Variants in RALGAPA1 observed in about 807,000 individuals in gnomAD.
The protein encoded by RALGAPA1 is ral GTPase-activating protein subunit alpha-1.
In RALGAPA1, 52 loss-of-function variants were observed where a neutral mutation model predicts 269.6. That is an observed-to-expected ratio of 0.19 (90% CI 0.15 to 0.24). The LOEUF (loss-of-function observed/expected upper bound fraction) is 0.24, where lower values mean the gene tolerates loss of function less well. RALGAPA1 is among the 10% of genes least tolerant of loss of function. The pLI is 1.00. For missense variants in RALGAPA1, 1,917 were observed against 3,013.9 expected, an observed-to-expected ratio of 0.64 and a Z score of 8.52; for synonymous variants, 817 against 1,008.3, an observed-to-expected ratio of 0.81 and a Z score of 3.60.
At chr14:35,572,863 C>A (rs73247067) in intron 37 of RALGAPA1, 145 bp from the exon 38 acceptor site, 3 of 482,200 alleles carry the variant, frequency 6.2e-6, no homozygotes, top group African/African-American at 6.0e-5. Context: ...AACACAAACA[C>A]TCAAAAACAT....
intron 31 of RALGAPA1, among the ~76,000 whole-genome samples, chr14:35,641,280 A>T (rs1296338560): frequency 2.0e-5 from 3 of 152,304 alleles, no homozygotes; most frequent in East Asian, 3.9e-4. Flanking sequence ...GGGTATGCAA[A>T]TTGGAAAGGA....
intron 35 of RALGAPA1, among the ~76,000 whole-genome samples, chr14:35,617,638 G>T (rs1320608231): frequency 5.4e-5 from 2 of 36,836 alleles, no homozygotes; most frequent in Non-Finnish European, 8.6e-5. Context: ...TGTGTGGGGT[G>T]GGGGGGGGGG....
Position 35,584,454 on chromosome 14 carries a change from A to T in RALGAPA1, c.7209+11180T>A, listed in dbSNP as rs552443574. On this transcript the variant is annotated intron_variant, in intron 37 of 41. Coordinates refer to ENST00000680220, the MANE Select transcript of RALGAPA1 (RefSeq NM_001346249.2). ...TAACTTTTGTGTTTCTTGTATAAAC[A>T]AGGTTTCACCATGTTGCCCAGGCTG... 2.7e-3 allele frequency among the ~76,000 whole-genome samples: 404 copies of T among 152,200 alleles called. 1 individual carries two copies. Among genetic ancestry groups the T allele is most frequent in the African/African-American group, 9.2e-3 (384 of 41,516 alleles).
intron 37 of RALGAPA1, among the ~76,000 whole-genome samples, chr14:35,594,800 G>A (rs1446419085): frequency 1.3e-5 from 2 of 151,466 alleles, no homozygotes; most frequent in Non-Finnish European, 2.9e-5. Context: ...CCTTTTTCTG[G>A]GCATATACTC....
At chr14:35,564,826 C>T (rs900500958) in intron 39 of RALGAPA1, among the ~76,000 whole-genome samples, 1 of 152,022 alleles carries the variant, frequency 6.6e-6, no homozygotes, top group African/African-American at 2.4e-5. Flanking sequence ...TGCATTCCAT[C>T]TACTCAAACC....
intron 27 of RALGAPA1, among the ~76,000 whole-genome samples, chr14:35,661,113 A>G (rs1163225909): frequency 1.3e-5 from 2 of 152,128 alleles, no homozygotes; most frequent in Non-Finnish European, 2.9e-5. Flanking sequence ...CTAAGACAGT[A>G]GATCTTGGTT....
At chr14:35,674,762 A>AC in intron 22 of RALGAPA1, 53 bp from the exon 23 acceptor site, 2 of 833,472 alleles carry the variant, frequency 2.4e-6, no homozygotes. Context: ...TGAACATAAA[A>AC]CCCCCCAAGA....
chr14:35,683,598 T>C lies in RALGAPA1; in HGVS notation c.4471+211A>G, dbSNP rs118058149. 0.016 allele frequency: 6,830 copies of C among 439,106 alleles called. 77 individuals are homozygous for C. The highest frequency in any genetic ancestry group is 0.024 in the Non-Finnish European group (5,776 of 244,396). 27.2% of individuals were successfully genotyped at this position (439,106 alleles called of 1,614,324 possible). On this transcript the variant is annotated intron_variant, in intron 21 of 41. Coordinates refer to ENST00000680220, the MANE Select transcript of RALGAPA1 (RefSeq NM_001346249.2). ...ATATACAAAATATTGCATAAAATAC[T>C]ACAAGTTCACAGAGTCCTCTGAAGC...
intron 7 of RALGAPA1, among the ~76,000 whole-genome samples, chr14:35,754,384 A>T (rs1318702035): frequency 6.6e-6 from 1 of 152,198 alleles, no homozygotes; most frequent in Non-Finnish European, 1.5e-5. Flanking sequence ...TTAATAAGAC[A>T]AGCCAATTTA....
At chr14:35,641,004 TG>T (rs2061991574) in intron 31 of RALGAPA1, among the ~76,000 whole-genome samples, 1 of 152,142 alleles carries the variant, frequency 6.6e-6, no homozygotes, top group Admixed American at 6.5e-5. Flanking sequence ...CAGTTGCTGC[TG>T]AAAAAGCATC....
At chr14:35,642,768 A>G (rs1409753617) in intron 31 of RALGAPA1, among the ~76,000 whole-genome samples, 1 of 152,216 alleles carries the variant, frequency 6.6e-6, no homozygotes, top group Non-Finnish European at 1.5e-5. Context: ...TGTGGAAGAC[A>G]GTGTGGCAAT....
At position 35,538,548 on chromosome 14, in the gene RALGAPA1, A is replaced by G. The variant is rs2053711038; in HGVS notation, c.*1166T>C. ...TTTCCTCAGGAGATGCCCATTCAAA[A>G]CAAAATGTGAGCAGCTTATCTACTG... On this transcript the variant is annotated 3_prime_UTR_variant, in exon 42 of 42. Coordinates refer to ENST00000680220, the MANE Select transcript of RALGAPA1 (RefSeq NM_001346249.2). The G allele has an allele frequency of 6.6e-6, 1 of 152,610 alleles. No individual in the cohort carries two copies. The highest frequency in any genetic ancestry group is 2.4e-5 in the African/African-American group (1 of 41,436). 9.5% of individuals were successfully genotyped at this position (152,610 alleles called of 1,614,324 possible). A position where few individuals can be genotyped will look rare whatever the true frequency, so the allele number is the denominator to read the frequency against.
Position 35,688,660 on chromosome 14 carries a change from T to G in RALGAPA1, c.3751A>C (p.Ser1251Arg). Residue 1251 changes from serine (S) to arginine (R), a missense_variant, in exon 18 of 42, where the codon AGT (serine) becomes CGT (arginine). Physicochemically the swap from Ser to Arg is moderately radical, Grantham distance 110. Around this residue, in one of 11 missense-constraint regions of RALGAPA1, gnomAD observed 615 missense variants for 790.0 expected, o/e 0.78. Coordinates refer to ENST00000680220, the MANE Select transcript of RALGAPA1 (RefSeq NM_001346249.2). ...KEGIASSQLG[S>R]RSTLRSSSHE... ...CTTGATGACCTAAGAGTACTACGACTACCTAATTGACTACTTGCAATTCCT... is the reference window on the plus strand; with the variant it reads ...CTTGATGACCTAAGAGTACTACGACGACCTAATTGACTACTTGCAATTCCT... The G allele has an allele frequency of 1.3e-6, 2 of 1,506,778 alleles. No homozygotes were observed. The highest frequency in any genetic ancestry group is 1.8e-6 in the Non-Finnish European group (2 of 1,135,138). The allele number at this position is 1,506,778 out of a possible 1,614,324, so 93.3% of individuals were successfully genotyped here.
intron 8 of RALGAPA1, among the ~76,000 whole-genome samples, chr14:35,750,968 T>G (rs747054017): frequency 2.0e-5 from 3 of 152,070 alleles, no homozygotes; most frequent in Non-Finnish European, 2.9e-5. Flanking sequence ...CCAGAACCAT[T>G]TAAAATAAAT....
chr14:35,788,075 G>C (rs924324530), intron 1 of RALGAPA1, among the ~76,000 whole-genome samples: 2 of 152,046 alleles, frequency 1.3e-5, no homozygotes, highest in South Asian at 4.1e-4. Context: ...GGATTCAAGC[G>C]ATTCTCCTGC....
chr14:35,751,930 G>C (rs954323510), intron 8 of RALGAPA1, 94 bp downstream of exon 8: 1 of 1,473,116 alleles, frequency 6.8e-7, no homozygotes, highest in African/African-American at 1.4e-5. Flanking sequence ...TATTAAATAT[G>C]ATCAGTTTCC....
chr14:35,778,073 G>T (rs201212613), intron 1 of RALGAPA1, among the ~76,000 whole-genome samples: 9 of 120,722 alleles, frequency 7.5e-5, no homozygotes, highest in Non-Finnish European at 1.5e-4. Context: ...TTACAATTTT[G>T]GGGGGGAGAC....
chr14:35,562,983 T>C (rs2056396512), intron 39 of RALGAPA1, among the ~76,000 whole-genome samples: 1 of 122,664 alleles, frequency 8.2e-6, no homozygotes, highest in Non-Finnish European at 1.6e-5. Flanking sequence ...ATAGCACCAC[T>C]GTACTCCAGC....
intron 12 of RALGAPA1, among the ~76,000 whole-genome samples, chr14:35,734,774 T>G (rs1231294842): frequency 6.7e-6 from 1 of 150,364 alleles, no homozygotes; most frequent in African/African-American, 2.4e-5. Flanking sequence ...ACCCACAGAG[T>G]AGGGGAAAAT....
Sources: allele counts gnomAD v4.1 joint callset (sites outside exome capture counted in the v4.1 genomes callset), GRCh38; gene constraint gnomAD v4.1.1; regional missense constraint gnomAD v4.1.1; transcripts MANE v1.5; gene names NCBI Gene and HGNC (gene_info 2026-07-23, HGNC 2026-07-21).